Variants in PFKFB3 observed in about 807,000 individuals in gnomAD.
PFKFB3 encodes 6-phosphofructo-2-kinase/fructose-2,6-biphosphatase 3, also known as 6-phosphofructo-2-kinase/fructose-2,6-bisphosphatase 3.
PFKFB3 carries 33 observed loss-of-function variants against 68.0 expected under a neutral mutation model. The ratio of observed to expected loss-of-function variants is 0.49; its 90% CI spans 0.37 to 0.65. The LOEUF is 0.65. Among genes scored for constraint, PFKFB3 ranks in the 30% least tolerant of loss-of-function variants. The probability of loss-of-function intolerance (pLI) is 0.00; values close to 1 mark genes in which losing one functional copy is unlikely to be tolerated. For missense variants in PFKFB3, 586 were observed against 712.2 expected, an observed-to-expected ratio of 0.82 and a Z score of 2.02; for synonymous variants, 315 against 288.2, an observed-to-expected ratio of 1.09 and a Z score of -0.94.
intron 1 of PFKFB3, among the ~76,000 whole-genome samples, chr10:6,176,810 C>G (rs1229191421): frequency 4.6e-5 from 7 of 152,334 alleles, no homozygotes; most frequent in Middle Eastern, 6.8e-3. Context: ...GTTCCACTTT[C>G]TGGAAGACTA....
chr10:6,248,317 T>A (rs1202389009), intron 14 of PFKFB3, among the ~76,000 whole-genome samples: 2 of 152,138 alleles, frequency 1.3e-5, no homozygotes, highest in African/African-American at 4.8e-5. Flanking sequence ...CTCAAACCAC[T>A]CTACGGAAAG....
At chr10:6,199,138 G>A (rs1283113740), upstream of PFKFB3, among the ~76,000 whole-genome samples, 1 of 152,178 alleles carries the variant, frequency 6.6e-6, no homozygotes, top group Admixed American at 6.6e-5. Flanking sequence ...TCATACATGG[G>A]ATTTTTCTCA....
chr10:6,175,758 A>G (rs542426638), intron 1 of PFKFB3, among the ~76,000 whole-genome samples: 1 of 152,352 alleles, frequency 6.6e-6, no homozygotes, highest in East Asian at 1.9e-4. Context: ...CATAGAAAGC[A>G]CTTCAACCTC....
chr10:6,304,907 C>G, the PFKFB3 span, among the ~76,000 whole-genome samples: 1 of 147,520 alleles, frequency 6.8e-6, no homozygotes, highest in African/African-American at 2.5e-5. Context: ...GCCTTGAACT[C>G]CTGAGCTCAA....
At position 6,215,907 on chromosome 10, in the gene PFKFB3, GTT is replaced by G. The variant is rs66958508; in HGVS notation, c.300-216_300-215del. Among the ~76,000 whole-genome samples, 141 of 152,274 alleles carry G rather than the reference GTT, an allele frequency of 9.3e-4. 1 individual carries two copies. Among genetic ancestry groups the G allele is most frequent in the South Asian group, 4.2e-3 (20 of 4,818 alleles). ...AGGAGTGGTTCCCGCGTGCAGCCCG[GTT>G]TGAGCACCGCCTCCCGAGGGTTCCT... On this transcript the variant is annotated intron_variant, in intron 3 of 14. Coordinates refer to ENST00000379775, the MANE Select transcript of PFKFB3 (RefSeq NM_004566.4). This position sits in a 1 kb window ranked among gnomAD's most constrained non-coding sequence, Gnocchi z 4.3.
At chr10:6,180,227 A>AT (rs57224532) in intron 1 of PFKFB3, among the ~76,000 whole-genome samples, 10 of 149,700 alleles carry the variant, frequency 6.7e-5, no homozygotes, top group Non-Finnish European at 1.5e-4. Context: ...GGATGGATGG[A>AT]GGAATGAATG....
At chr10:6,256,621 G>A (rs1277330439), downstream of PFKFB3, among the ~76,000 whole-genome samples, 1 of 152,182 alleles carries the variant, frequency 6.6e-6, no homozygotes, top group Non-Finnish European at 1.5e-5. Context: ...TCATTGCCCT[G>A]GAAAGCTTTA....
At chr10:6,163,862 G>T (rs1289024865) in intron 1 of PFKFB3, 1 of 152,072 alleles carries the variant, frequency 6.6e-6, no homozygotes, top group South Asian at 2.1e-4. Context: ...CCTGCTCTGC[G>T]GCGACTGTCC....
intron 1 of PFKFB3, among the ~76,000 whole-genome samples, chr10:6,192,908 G>A (rs938227510): frequency 6.6e-6 from 1 of 151,912 alleles, no homozygotes; most frequent in South Asian, 2.1e-4. Context: ...TTTGGTCTTC[G>A]TAAGGACCTC....
chr10:6,324,067 A>G, the PFKFB3 span, among the ~76,000 whole-genome samples: 6,781 of 152,300 alleles, frequency 0.045, 520 homozygotes, highest in African/African-American at 0.15. Context: ...CCCAGTGTCC[A>G]TGGATAGACA....
intron 1 of PFKFB3, among the ~76,000 whole-genome samples, chr10:6,161,186 T>G (rs1249754404): frequency 1.3e-5 from 2 of 152,180 alleles, no homozygotes. Context: ...TTCACCTGCC[T>G]TGTCCTCCCA....
At chr10:6,259,828 T>C in the PFKFB3 span, among the ~76,000 whole-genome samples, 1 of 152,236 alleles carries the variant, frequency 6.6e-6, no homozygotes, top group South Asian at 2.1e-4. Flanking sequence ...TAGAGTTTGC[T>C]GTCTCCTAGC....
chr10:6,292,650 AC>A, the PFKFB3 span, among the ~76,000 whole-genome samples: 1 of 151,532 alleles, frequency 6.6e-6, no homozygotes, highest in African/African-American at 2.4e-5. Flanking sequence ...AAAAAAAAAA[AC>A]TATCAAGGGC....
chr10:6,202,050 C>T (rs1358883718), upstream of PFKFB3, among the ~76,000 whole-genome samples: 1 of 152,232 alleles, frequency 6.6e-6, no homozygotes, highest in Non-Finnish European at 1.5e-5. Flanking sequence ...TTTCCCTCGA[C>T]TTAGGTAATG....
At chr10:6,310,347 C>T in the PFKFB3 span, among the ~76,000 whole-genome samples, 1 of 152,014 alleles carries the variant, frequency 6.6e-6, no homozygotes, top group Non-Finnish European at 1.5e-5. Flanking sequence ...ATTTACAAGG[C>T]AGGTTTTATC....
At chr10:6,247,294 A>G (rs1337184069) in intron 14 of PFKFB3, among the ~76,000 whole-genome samples, 1 of 152,220 alleles carries the variant, frequency 6.6e-6, no homozygotes, top group Non-Finnish European at 1.5e-5. Flanking sequence ...GTTTGGAGCC[A>G]AACCTTGGTC....
chr10:6,225,366 C>T (rs11593270), intron 13 of PFKFB3: 79,391 of 375,402 alleles, frequency 0.21, 9,488 homozygotes, highest in Middle Eastern at 0.32. Flanking sequence ...GGCTGGGGTC[C>T]CTTGGCCGCC....
intron 1 of PFKFB3, among the ~76,000 whole-genome samples, chr10:6,196,282 T>C (rs2131835664): frequency 6.6e-6 from 1 of 152,060 alleles, no homozygotes; most frequent in South Asian, 2.1e-4. Context: ...AGGCGCCTGC[T>C]ACCACACCCG....
intron 14 of PFKFB3, 26 bp from the exon 15 acceptor site, chr10:6,232,869 C>G (rs372085997): frequency 6.0e-5 from 97 of 1,603,734 alleles, no homozygotes; most frequent in African/African-American, 2.7e-5. Flanking sequence ...AACTCCCTCC[C>G]CACCTCTCTT....
Sources: gnomAD v4.1 joint callset for allele counts (sites outside exome capture counted in the v4.1 genomes callset) on GRCh38, gnomAD v4.1.1 for gene constraint, Gnocchi (gnomAD v3.1) non-coding constraint, MANE v1.5 for transcripts, NCBI Gene and HGNC (gene_info 2026-07-23, HGNC 2026-07-21) for gene names.